The following PLCB4 variants were observed in gnomAD, a reference collection of about 807,000 sequenced individuals.
PLCB4 encodes phospholipase C beta 4.
Under a neutral mutation model 178.8 loss-of-function variants are expected in PLCB4, and 77 were observed. The observed-to-expected ratio is 0.43, with a 90% CI of 0.36 to 0.52. The LOEUF (loss-of-function observed/expected upper bound fraction) is 0.52. PLCB4 is among the 20% of genes least tolerant of loss of function. The pLI, the probability that PLCB4 is intolerant of heterozygous loss-of-function variation, is 0.00. For missense variants in PLCB4, 1,024 were observed against 1,453.4 expected, an observed-to-expected ratio of 0.70 and a Z score of 4.80; for synonymous variants, 496 against 490.8, an observed-to-expected ratio of 1.01 and a Z score of -0.14.
intron 30 of PLCB4, among the ~76,000 whole-genome samples, chr20:9,441,257 A>G (rs2042084567): frequency 6.6e-6 from 1 of 152,086 alleles, no homozygotes; most frequent in African/African-American, 2.4e-5. Context: ...CTTTTGTATG[A>G]TAGTTTTTAG....
At chr20:9,157,263 A>G (rs2092808094) in intron 2 of PLCB4, among the ~76,000 whole-genome samples, 1 of 152,100 alleles carries the variant, frequency 6.6e-6, no homozygotes, top group South Asian at 2.1e-4. Context: ...CTTGCCTTTT[A>G]TATTCAAGCA....
chr20:9,208,777 G>A (rs1417463546), intron 2 of PLCB4, among the ~76,000 whole-genome samples: 1 of 152,144 alleles, frequency 6.6e-6, no homozygotes, highest in Non-Finnish European at 1.5e-5. Flanking sequence ...CTGGGCCTAA[G>A]CAGTCCTCCC....
Position 9,242,844 on chromosome 20 carries a change from G to C in PLCB4, c.-16+25392G>C, listed in dbSNP as rs147961895. Among the ~76,000 whole-genome samples the C allele has an allele frequency of 7.4e-3, 1,125 of 152,294 alleles. 17 individuals carry two copies. The highest frequency in any genetic ancestry group is 0.026 in the African/African-American group (1,082 of 41,558). ...TCAGAAACTGTAGGAGTGGGATCTAGGCATCTGCGAGTTAACAGCCCTCCC... is the reference window on the plus strand; with the variant it reads ...TCAGAAACTGTAGGAGTGGGATCTACGCATCTGCGAGTTAACAGCCCTCCC... On this transcript the variant is annotated intron_variant, in intron 3 of 39. Transcript: ENST00000378473.
At chr20:9,146,502 A>C (rs2092601284) in intron 2 of PLCB4, among the ~76,000 whole-genome samples, 1 of 152,174 alleles carries the variant, frequency 6.6e-6, no homozygotes, top group Non-Finnish European at 1.5e-5. Flanking sequence ...ATTTTAAAGA[A>C]TTTATTCGTG....
intron 2 of PLCB4, among the ~76,000 whole-genome samples, chr20:9,097,530 C>T (rs1050790475): frequency 6.6e-5 from 10 of 152,098 alleles, no homozygotes; most frequent in Non-Finnish European, 1.2e-4. Flanking sequence ...GGCTCTCAGA[C>T]TGTAAGATTT....
At chr20:9,183,982 A>AACTC (rs2093289359) in intron 2 of PLCB4, among the ~76,000 whole-genome samples, 1 of 152,248 alleles carries the variant, frequency 6.6e-6, no homozygotes. Flanking sequence ...AATCTGCTTT[A>AACTC]ACGTGAGCTA....
chr20:9,204,149 A>T (rs2093586915), intron 2 of PLCB4, among the ~76,000 whole-genome samples: 1 of 152,150 alleles, frequency 6.6e-6, no homozygotes, highest in East Asian at 1.9e-4. Flanking sequence ...AAAACAAATT[A>T]AAAAGATTCA....
At position 9,423,750 on chromosome 20, in the gene PLCB4, G is replaced by A. The variant is rs1018917845; in HGVS notation, c.2322G>A (p.Val774=). The change falls in exon 28 of 40, where the codon GTG becomes GTA. Residue 774 remains valine (V), a splice_region_variant and synonymous_variant. Transcript: ENST00000378473. ...YNEESFVFRK[V]ILPDLAVLRI... ...TGAAAGTCCTGTTCTGTTTGCAGGT[G>A]ATCCTGCCGGACCTGGCTGTCTTGA... 6.2e-7 allele frequency: 1 copy of A among 1,613,044 alleles called. No homozygotes were observed. Among genetic ancestry groups the A allele is most frequent in the Non-Finnish European group, 8.5e-7 (1 of 1,179,322 alleles).
At chr20:9,274,677 CT>C (rs1215261943) in intron 3 of PLCB4, among the ~76,000 whole-genome samples, 2 of 152,028 alleles carry the variant, frequency 1.3e-5, no homozygotes, top group Non-Finnish European at 2.9e-5. Flanking sequence ...TTTGCCTCTA[CT>C]CTTTGTTTCT....
chr20:9,350,273 ATAG>A (rs2034211319), intron 7 of PLCB4, among the ~76,000 whole-genome samples: 2 of 152,190 alleles, frequency 1.3e-5, no homozygotes, highest in African/African-American at 4.8e-5. Context: ...AATACTAATA[ATAG>A]TAGCAGCAGC....
chr20:9,449,594 C>T (rs1222300203), intron 32 of PLCB4, among the ~76,000 whole-genome samples: 4 of 152,046 alleles, frequency 2.6e-5, no homozygotes, highest in East Asian at 3.8e-4. Flanking sequence ...TTTGAAACTG[C>T]GTAGGAAAAA....
intron 4 of PLCB4, among the ~76,000 whole-genome samples, chr20:9,315,910 C>T (rs2094893319): frequency 6.6e-6 from 1 of 151,806 alleles, no homozygotes; most frequent in East Asian, 1.9e-4. Context: ...TCCAGCACTC[C>T]AGCCTGGGTG....
rs550845866 is a variant in PLCB4, at chr20:9,455,351, A to G, written c.2996+1889A>G. Reference sequence around the variant, plus strand: ...TAAGGAGATTTCAGATCCAAGCACCATAGAGTAAATTTCTTTGCTAAAAAT... The same window carrying G: ...TAAGGAGATTTCAGATCCAAGCACCGTAGAGTAAATTTCTTTGCTAAAAAT... On this transcript the variant is annotated intron_variant, in intron 33 of 39. Transcript: ENST00000378473. 2.6e-5 allele frequency among the ~76,000 whole-genome samples: 4 copies of G among 152,352 alleles called. No individual in the cohort carries two copies. In the East Asian group the frequency reaches 5.8e-4, roughly 22 times the overall value.
chr20:9,307,153 C>T (rs67649112), intron 3 of PLCB4, among the ~76,000 whole-genome samples: 22,898 of 152,016 alleles, frequency 0.15, 2,065 homozygotes, highest in East Asian at 0.28. Context: ...GAGGCCCCAC[C>T]TCAGTGGGCA....
chr20:9,286,968 A>G (rs902267361), intron 3 of PLCB4, among the ~76,000 whole-genome samples: 39 of 152,066 alleles, frequency 2.6e-4, no homozygotes, highest in African/African-American at 9.4e-4. Flanking sequence ...AGAATACCAT[A>G]TTTATGAGTG....
intron 2 of PLCB4, among the ~76,000 whole-genome samples, chr20:9,191,663 A>G (rs2093405888): frequency 6.6e-6 from 1 of 152,028 alleles, no homozygotes; most frequent in Admixed American, 6.6e-5. Context: ...TGGCAAATCA[A>G]TGGTCTGTGG....
chr20:9,244,101 C>G (rs1239142267), intron 3 of PLCB4, among the ~76,000 whole-genome samples: 1 of 152,126 alleles, frequency 6.6e-6, no homozygotes, highest in Non-Finnish European at 1.5e-5. Context: ...TCCCTGATCC[C>G]TAATCTTGAG....
intron 1 of PLCB4, among the ~76,000 whole-genome samples, chr20:9,094,204 CTATGTTGATGT>C (rs2090806331): frequency 6.6e-6 from 1 of 151,904 alleles, no homozygotes; most frequent in Non-Finnish European, 1.5e-5. Context: ...ACCAGTGTTC[CTATGTTGATGT>C]TACTTAATTG....
At position 9,380,155 on chromosome 20, in the gene PLCB4, G is replaced by T; in HGVS notation, c.846G>T (p.Lys282Asn). The T allele has an allele frequency of 7.3e-7, 1 of 1,374,102 alleles. No individual in the cohort carries two copies. The highest frequency in any genetic ancestry group is 1.6e-5 in the South Asian group (1 of 63,830). 85.1% of individuals were successfully genotyped at this position (1,374,102 alleles called of 1,614,324 possible). A position where few individuals can be genotyped will look rare whatever the true frequency, so the allele number is the denominator to read the frequency against. Reference protein sequence around the residue: ...IEMYEPDEDLKKKGLISSDGF... With the variant: ...IEMYEPDEDLNKKGLISSDGF... ...TGTATGAACCTGATGAAGATTTGAA[G>T]AAAAAAGGTAATAAACATGAAAAAA... The change falls in exon 13 of 40, where the codon AAG becomes AAT. Residue 282 changes from lysine to asparagine, a missense_variant. Around this residue, in one of 7 missense-constraint regions of PLCB4, gnomAD observed 37 missense variants for 28.6 expected, o/e 1.30. Transcript: ENST00000378473.
Sources: allele counts gnomAD v4.1 joint callset (sites outside exome capture counted in the v4.1 genomes callset), GRCh38; gene constraint gnomAD v4.1.1; regional missense constraint gnomAD v4.1.1; transcripts MANE v1.5; gene names NCBI Gene and HGNC (gene_info 2026-07-23, HGNC 2026-07-21).